Variants in ADAMTS16 observed in about 807,000 individuals in gnomAD.
ADAMTS16 encodes the protein ADAM metallopeptidase with thrombospondin type 1 motif 16.
In ADAMTS16, 94 loss-of-function variants were observed where a neutral mutation model predicts 145.8. The observed-to-expected ratio is 0.64, with a 90% CI of 0.55 to 0.77. The LOEUF (loss-of-function observed/expected upper bound fraction) is 0.77. ADAMTS16 is among the 30% of genes least tolerant of loss of function. The pLI is 0.00. For missense variants in ADAMTS16, 1,585 were observed against 1,591.5 expected (o/e 1.00, Z 0.07); for synonymous variants, 659 against 604.3 (o/e 1.09, Z -1.33).
intron 4 of ADAMTS16, among the ~76,000 whole-genome samples, chr5:5,183,344 G>A (rs542071440): frequency 3.3e-5 from 5 of 152,298 alleles, no homozygotes; most frequent in African/African-American, 9.6e-5. Flanking sequence ...CGTGCATATC[G>A]GCAACAGCTG....
chr5:5,168,586 TA>T (rs1734948540), intron 3 of ADAMTS16, among the ~76,000 whole-genome samples: 1 of 74,820 alleles, frequency 1.3e-5, no homozygotes, highest in Non-Finnish European at 2.8e-5. Flanking sequence ...ATATATATTA[TA>T]TTATATATAA....
chr5:5,257,612 T>C (rs896543921), intron 17 of ADAMTS16, among the ~76,000 whole-genome samples: 1 of 152,228 alleles, frequency 6.6e-6, no homozygotes, highest in Non-Finnish European at 1.5e-5. Context: ...CAAATGTGCA[T>C]AAAGCTGAGC....
Position 5,140,680 on chromosome 5 carries a change from T to C in ADAMTS16, c.89T>C (p.Met30Thr). The C allele has an allele frequency of 6.4e-7, 1 of 1,559,238 alleles. No individual in the cohort carries two copies. Among genetic ancestry groups the C allele is most frequent in the Non-Finnish European group, 8.7e-7 (1 of 1,155,384 alleles). ...TTTCCGCAGGCACCTGCGTGCGCCA[T>C]GGGACCCGCAGCGGCAGCGCCTGGG... ...QVAEQAPACAMGPAAAAPGSP... is the reference protein window; with the variant it reads ...QVAEQAPACATGPAAAAPGSP... The change falls in exon 2 of 23, where the codon ATG (methionine) becomes ACG (threonine). Residue 30 changes from methionine to threonine, a missense_variant. Around this residue, in one of 3 missense-constraint regions of ADAMTS16, gnomAD observed 453 missense variants for 412.1 expected, o/e 1.10. Transcript: ENST00000274181.
chr5:5,204,620 GT>G (rs763152167), intron 9 of ADAMTS16, among the ~76,000 whole-genome samples: 6 of 152,148 alleles, frequency 3.9e-5, no homozygotes, highest in Non-Finnish European at 5.9e-5. Context: ...AGTCTACTTA[GT>G]TATGTTGCAT....
chr5:5,267,738 T>G (rs1051259069), intron 18 of ADAMTS16, among the ~76,000 whole-genome samples: 3 of 152,214 alleles, frequency 2.0e-5, no homozygotes, highest in Admixed American at 1.3e-4. Flanking sequence ...CAGGGTGGTC[T>G]TGCAAAATGC....
intron 17 of ADAMTS16, among the ~76,000 whole-genome samples, chr5:5,250,417 C>T (rs1737585261): frequency 6.6e-6 from 1 of 152,166 alleles, no homozygotes; most frequent in Non-Finnish European, 1.5e-5. Flanking sequence ...TTTTCAGGTT[C>T]TCCAACCAAG....
intron 11 of ADAMTS16, among the ~76,000 whole-genome samples, chr5:5,227,865 G>T (rs1210296067): frequency 6.6e-6 from 1 of 152,152 alleles, no homozygotes; most frequent in African/African-American, 2.4e-5. Flanking sequence ...TCCATCAGTA[G>T]AGGACTGGTT....
intron 18 of ADAMTS16, among the ~76,000 whole-genome samples, chr5:5,264,435 C>T (rs1738159966): frequency 6.6e-6 from 1 of 152,192 alleles, no homozygotes. Flanking sequence ...TAAAGATCCA[C>T]AGTAGCTGGC....
At chr5:5,249,393 C>T (rs991455024) in intron 17 of ADAMTS16, among the ~76,000 whole-genome samples, 3 of 152,080 alleles carry the variant, frequency 2.0e-5, no homozygotes, top group Admixed American at 6.5e-5. Context: ...CGGATTGGCA[C>T]GGTGTTCTGA....
At chr5:5,243,482 A>G (rs1390919833) in intron 17 of ADAMTS16, among the ~76,000 whole-genome samples, 1 of 152,186 alleles carries the variant, frequency 6.6e-6, no homozygotes, top group Non-Finnish European at 1.5e-5. Flanking sequence ...ATTCCTAACC[A>G]TATGTATTTT....
At chr5:5,316,643 C>G (rs941286420) in intron 21 of ADAMTS16, among the ~76,000 whole-genome samples, 1 of 152,202 alleles carries the variant, frequency 6.6e-6, no homozygotes, top group Admixed American at 6.5e-5. Flanking sequence ...TTCCCTCTCT[C>G]TCCCTGTGCT....
At position 5,272,234 on chromosome 5, in the gene ADAMTS16, G is replaced by A. The variant is rs144343609; in HGVS notation, c.2789+9451G>A. On this transcript the variant is annotated intron_variant, in intron 18 of 22. Coordinates refer to ENST00000274181, the MANE Select transcript of ADAMTS16 (RefSeq NM_139056.4). ...GGTTCATTTAATTATCTAAGTAGCT[G>A]AGCGTTCCCAAGCAGCAGGATGGGC... 3.7e-3 allele frequency among the ~76,000 whole-genome samples: 566 copies of A among 152,186 alleles called. 3 individuals are homozygous for A. Among genetic ancestry groups the A allele is most frequent in the African/African-American group, 0.013 (525 of 41,518 alleles).
Position 5,191,772 on chromosome 5 carries a change from C to T in ADAMTS16, c.1295C>T (p.Ala432Val). The change falls in exon 8 of 23, where the codon GCC becomes GTC. Residue 432 changes from alanine to valine, a missense_variant. Physicochemically the swap from Ala to Val is moderately conservative, Grantham distance 64. Around this residue, in one of 3 missense-constraint regions of ADAMTS16, gnomAD observed 298 missense variants for 367.6 expected, o/e 0.81. Transcript: ENST00000274181. ...GGTCTTGGACTGGCCTTCACCATTG[C>T]CCATGAGTCTGGACACAAGTAAGTG... ...DTGLGLAFTI[A>V]HESGHNFGMI... 6.2e-7 allele frequency: 1 copy of T among 1,613,020 alleles called. No individual in the cohort carries two copies. Among genetic ancestry groups the T allele is most frequent in the East Asian group, 2.2e-5 (1 of 44,834 alleles).
At chr5:5,315,417 C>T (rs1307297197) in intron 21 of ADAMTS16, among the ~76,000 whole-genome samples, 2 of 149,636 alleles carry the variant, frequency 1.3e-5, no homozygotes, top group Non-Finnish European at 3.0e-5. Context: ...AATCAAACCA[C>T]ATATTAATTA....
At chr5:5,184,759 G>T (rs893396818) in intron 4 of ADAMTS16, among the ~76,000 whole-genome samples, 1 of 151,898 alleles carries the variant, frequency 6.6e-6, no homozygotes, top group Non-Finnish European at 1.5e-5. Context: ...TTTGCTGAGG[G>T]GTTTTCAGAG....
At position 5,248,857 on chromosome 5, in the gene ADAMTS16, T is replaced by C. The variant is rs540707823; in HGVS notation, c.2662+6666T>C. ...AGACATTTGGAATTAGTCAATGGAA[T>C]AAACATTTAAATTCACTTTTGTGTC... is the stretch of plus-strand genomic sequence containing the variant. On this transcript the variant is annotated intron_variant, in intron 17 of 22. Coordinates refer to ENST00000274181, the MANE Select transcript of ADAMTS16 (RefSeq NM_139056.4). Among the ~76,000 whole-genome samples, 6 of 152,386 alleles carry C rather than the reference T, an allele frequency of 3.9e-5. No homozygotes were observed. In the Middle Eastern group the frequency reaches 0.01, roughly 259 times the overall value.
intron 18 of ADAMTS16, among the ~76,000 whole-genome samples, chr5:5,283,259 C>T (rs942426671): frequency 5.9e-5 from 9 of 152,120 alleles, no homozygotes; most frequent in East Asian, 1.9e-4. Flanking sequence ...ATATGTATCA[C>T]ATATTACATT....
chr5:5,221,936 G>A (rs13175798), intron 10 of ADAMTS16, among the ~76,000 whole-genome samples: 459 of 152,324 alleles, frequency 3.0e-3, no homozygotes, highest in Middle Eastern at 0.027. Context: ...GAATAATGCA[G>A]CACTTGTTTA....
intron 8 of ADAMTS16, among the ~76,000 whole-genome samples, chr5:5,195,976 C>T (rs1207336654): frequency 2.0e-5 from 3 of 151,962 alleles, no homozygotes; most frequent in Non-Finnish European, 4.4e-5. Flanking sequence ...CCTGTTAATC[C>T]CAGCATTTTG....
Sources: gnomAD v4.1 joint callset for allele counts (sites outside exome capture counted in the v4.1 genomes callset) on GRCh38, gnomAD v4.1.1 for gene constraint, gnomAD v4.1.1 regional missense constraint, MANE v1.5 for transcripts, NCBI Gene and HGNC (gene_info 2026-07-23, HGNC 2026-07-21) for gene names.